Variants in CDH12 observed in about 807,000 individuals in gnomAD.
CDH12 encodes cadherin-12.
In CDH12, 41 loss-of-function variants were observed where a neutral mutation model predicts 74.1. The observed-to-expected ratio is 0.55, with a 90% CI of 0.43 to 0.72. The LOEUF is 0.72. CDH12 is among the 30% of genes least tolerant of loss of function. The pLI, the probability that CDH12 is intolerant of heterozygous loss-of-function variation, is 0.00. For synonymous variants in CDH12, 399 were observed against 355.0 expected (o/e 1.12, Z -1.39); for missense variants, 945 against 977.2 (o/e 0.97, Z 0.44).
At chr5:21,958,311 T>G in intron 6 of CDH12, among the ~76,000 whole-genome samples, 1 of 152,176 alleles carries the variant, frequency 6.6e-6, no homozygotes, top group Non-Finnish European at 1.5e-5. Context: ...AGTTCCCATT[T>G]ATGAATTTTT....
intron 3 of CDH12, among the ~76,000 whole-genome samples, chr5:22,392,817 ATAGAG>A (rs1379940300): frequency 2.0e-5 from 3 of 152,178 alleles, no homozygotes; most frequent in East Asian, 1.9e-4. Context: ...ACAAAGATAG[ATAGAG>A]TATAGTGGAG....
At chr5:22,303,857 C>G (rs532012704) in intron 3 of CDH12, among the ~76,000 whole-genome samples, 1 of 152,200 alleles carries the variant, frequency 6.6e-6, no homozygotes, top group South Asian at 2.1e-4. Context: ...GTTAAGTCAC[C>G]TGCTTGTATG....
intron 1 of CDH12, among the ~76,000 whole-genome samples, chr5:22,641,177 C>T (rs1739129942): frequency 6.6e-6 from 1 of 152,052 alleles, no homozygotes; most frequent in Non-Finnish European, 1.5e-5. Flanking sequence ...AAACTGAAGC[C>T]CCTGGGATGC....
At chr5:22,309,252 A>G (rs1446546226) in intron 3 of CDH12, among the ~76,000 whole-genome samples, 1 of 152,218 alleles carries the variant, frequency 6.6e-6, no homozygotes, top group Non-Finnish European at 1.5e-5. Context: ...AGATTAGTAA[A>G]GAACAGAAGA....
At chr5:22,290,787 C>G (rs138593260) in intron 3 of CDH12, among the ~76,000 whole-genome samples, 1 of 151,996 alleles carries the variant, frequency 6.6e-6, no homozygotes, top group Non-Finnish European at 1.5e-5. Context: ...TACATGCAAC[C>G]TACCAAGACT....
intron 7 of CDH12, among the ~76,000 whole-genome samples, chr5:21,847,032 A>G (rs1184014765): frequency 6.6e-6 from 1 of 152,136 alleles, no homozygotes; most frequent in African/African-American, 2.4e-5. Context: ...TCTGCTCTCC[A>G]TAGAGCAGCC....
At chr5:22,572,494 C>T (rs1739589420) in intron 1 of CDH12, among the ~76,000 whole-genome samples, 1 of 152,000 alleles carries the variant, frequency 6.6e-6, no homozygotes, top group Non-Finnish European at 1.5e-5. Context: ...CCATTTTCCT[C>T]TAATTTCTTT....
At chr5:22,631,243 T>C (rs528889685) in intron 1 of CDH12, among the ~76,000 whole-genome samples, 2 of 152,270 alleles carry the variant, frequency 1.3e-5, no homozygotes, top group Non-Finnish European at 2.9e-5. Context: ...CTCAAAGAAC[T>C]TAAAACAGAA....
intron 5 of CDH12, among the ~76,000 whole-genome samples, chr5:22,073,503 G>A (rs1040927016): frequency 6.6e-6 from 1 of 152,134 alleles, no homozygotes; most frequent in Non-Finnish European, 1.5e-5. Context: ...AATAATGCAA[G>A]TGTTTTGCTT....
intron 3 of CDH12, among the ~76,000 whole-genome samples, chr5:22,296,105 GA>G (rs144231472): frequency 4.0e-5 from 6 of 151,212 alleles, no homozygotes; most frequent in Admixed American, 1.3e-4. Flanking sequence ...TGCTTAAAGG[GA>G]AAAAAATATA....
In CDH12 at chr5:22,247,516, A is replaced by AAT. The variant is rs530662169; in HGVS notation, c.-332-34875_-332-34874dup. On this transcript the variant is annotated intron_variant, in intron 3 of 14. Transcript: ENST00000382254. ...ATGGTAAAAAACCATCTCTACTAAA[A>AAT]ATACAAAAATTAACTGGGCATGGTG... 1.3e-3 allele frequency among the ~76,000 whole-genome samples: 204 copies of AAT among 152,162 alleles called. 1 individual carries two copies. Among genetic ancestry groups the AAT allele is most frequent in the African/African-American group, 4.6e-3 (190 of 41,502 alleles).
intron 3 of CDH12, among the ~76,000 whole-genome samples, chr5:22,363,491 G>A (rs189576324): frequency 2.0e-4 from 30 of 152,248 alleles, no homozygotes; most frequent in East Asian, 7.7e-4. Context: ...ACGGCATGAA[G>A]AAGATATTTC....
chr5:22,207,415 C>T (rs1216015188), intron 4 of CDH12, among the ~76,000 whole-genome samples: 2 of 152,098 alleles, frequency 1.3e-5, no homozygotes, highest in Non-Finnish European at 2.9e-5. Flanking sequence ...TCAACTCTGG[C>T]TTTGTGGCTT....
At chr5:22,643,362 A>C (rs1739251673) in intron 1 of CDH12, among the ~76,000 whole-genome samples, 1 of 152,188 alleles carries the variant, frequency 6.6e-6, no homozygotes, top group Non-Finnish European at 1.5e-5. Flanking sequence ...ATCATTGATT[A>C]CAAAGAAAGT....
intron 4 of CDH12, among the ~76,000 whole-genome samples, chr5:22,119,286 T>A (rs578051621): frequency 3.8e-4 from 11 of 29,194 alleles, no homozygotes; most frequent in South Asian, 8.7e-4. Context: ...TTCTACTTCG[T>A]TTTTTTTTTT....
chr5:22,258,999 C>T (rs1421697148), intron 3 of CDH12, among the ~76,000 whole-genome samples: 3 of 152,064 alleles, frequency 2.0e-5, no homozygotes, highest in Non-Finnish European at 4.4e-5. Flanking sequence ...CTAGTCAGTG[C>T]CATTGCATTT....
At chr5:21,828,908 CTT>C (rs70957070) in intron 8 of CDH12, among the ~76,000 whole-genome samples, 463 of 119,000 alleles carry the variant, frequency 3.9e-3, no homozygotes, top group African/African-American at 0.011. Context: ...AATCCTATGT[CTT>C]TTTTTTTTTT....
chr5:22,012,079 A>G (rs1161546230), intron 5 of CDH12, among the ~76,000 whole-genome samples: 1 of 152,086 alleles, frequency 6.6e-6, no homozygotes, highest in African/African-American at 2.4e-5. Context: ...TATAATTAAA[A>G]TATACACTAT....
At chr5:22,146,392 A>C (rs372680487) in intron 4 of CDH12, among the ~76,000 whole-genome samples, 12 of 152,234 alleles carry the variant, frequency 7.9e-5, no homozygotes, top group African/African-American at 2.4e-4. Context: ...ATCAGGATTA[A>C]ATTTTCAAAT....
Sources: gnomAD v4.1 joint callset for allele counts (sites outside exome capture counted in the v4.1 genomes callset) on GRCh38, gnomAD v4.1.1 for gene constraint, MANE v1.5 for transcripts, NCBI Gene and HGNC (gene_info 2026-07-23, HGNC 2026-07-21) for gene names.